SRFBP1: variants seen among roughly 807,000 people sequenced by gnomAD.
The protein encoded by SRFBP1 is serum response factor binding protein 1.
Under a neutral mutation model 45.5 loss-of-function variants are expected in SRFBP1, and 47 were observed. The ratio of observed to expected loss-of-function variants is 1.03; its 90% CI spans 0.82 to 1.32. SRFBP1 has a LOEUF of 1.32. SRFBP1 is among the 40% of genes most tolerant of loss of function. The pLI is 0.00. For synonymous variants in SRFBP1, 203 were observed against 166.3 expected (o/e 1.22, Z -1.70); for missense variants, 621 against 484.6 (o/e 1.28, Z -2.64).
chr5:122,029,285 C>T (rs551958505), downstream of SRFBP1, among the ~76,000 whole-genome samples: 5 of 152,184 alleles, frequency 3.3e-5, no homozygotes, highest in South Asian at 2.1e-4. Flanking sequence ...GACTCCACTA[C>T]GAGGCATTAC....
At chr5:122,077,329 C>T (rs1456025583), downstream of SRFBP1, 12 of 1,613,362 alleles carry the variant, frequency 7.4e-6, no homozygotes, top group Non-Finnish European at 9.3e-6. The surrounding 1 kb of genome is among the most constrained non-coding windows in gnomAD (Gnocchi z 4.9). Flanking sequence ...TGCACGGGTG[C>T]TTCCAGCGGA....
intron 4 of SRFBP1, among the ~76,000 whole-genome samples, chr5:122,011,398 C>T (rs772867691): frequency 2.0e-5 from 3 of 152,046 alleles, no homozygotes; most frequent in Non-Finnish European, 4.4e-5. Flanking sequence ...ATTATGTCAA[C>T]TTTAAATAAG....
At chr5:122,022,493 T>C in intron 7 of SRFBP1, 86 bp downstream of exon 7, 3 of 1,153,058 alleles carry the variant, frequency 2.6e-6, no homozygotes, top group Non-Finnish European at 3.7e-6. Flanking sequence ...TGTTGCTTAA[T>C]ATAGCCTGAA....
chr5:122,034,119 C>A (rs191260654), intron 2 of SRFBP1, among the ~76,000 whole-genome samples: 7 of 152,158 alleles, frequency 4.6e-5, no homozygotes, highest in African/African-American at 1.4e-4. Context: ...CCACTGCGCC[C>A]GGCCTATTTT....
intron 7 of SRFBP1, among the ~76,000 whole-genome samples, chr5:122,023,132 A>G (rs1358167615): frequency 6.6e-6 from 1 of 152,232 alleles, no homozygotes; most frequent in East Asian, 1.9e-4. Flanking sequence ...ATTCAGTCAC[A>G]TGACCCCATC....
chr5:122,056,615 C>T (rs961615102), intron 2 of SRFBP1, among the ~76,000 whole-genome samples: 2 of 152,038 alleles, frequency 1.3e-5, no homozygotes, highest in Admixed American at 6.6e-5. Context: ...TTAACAATTC[C>T]ATGTGTGGGA....
At chr5:122,063,009 A>G (rs1485581468) in intron 2 of SRFBP1, among the ~76,000 whole-genome samples, 5 of 152,010 alleles carry the variant, frequency 3.3e-5, no homozygotes. Context: ...TATGTATGAC[A>G]GTGTCTACTT....
chr5:122,013,318 C>T (rs1753132297), intron 4 of SRFBP1, among the ~76,000 whole-genome samples: 2 of 152,068 alleles, frequency 1.3e-5, no homozygotes, highest in Admixed American at 1.3e-4. Flanking sequence ...GCAACTTTAT[C>T]AAAATTTCAT....
intron 2 of SRFBP1, among the ~76,000 whole-genome samples, chr5:122,058,180 G>A (rs952477811): frequency 3.3e-5 from 5 of 151,920 alleles, no homozygotes; most frequent in Admixed American, 1.3e-4. Context: ...TGATTTATTG[G>A]CAATGTTCAG....
intron 2 of SRFBP1, among the ~76,000 whole-genome samples, chr5:122,072,266 T>A (rs918224469): frequency 6.6e-6 from 1 of 152,156 alleles, no homozygotes; most frequent in Non-Finnish European, 1.5e-5. Flanking sequence ...AACTTAAGTA[T>A]AAGCTTTGAT....
At chr5:121,993,432 T>G (rs1246525577) in intron 3 of SRFBP1, among the ~76,000 whole-genome samples, 3 of 152,126 alleles carry the variant, frequency 2.0e-5, no homozygotes, top group Non-Finnish European at 2.9e-5. Context: ...ATAAATTGAT[T>G]TTGTGTTAGT....
chr5:122,030,030 C>T (rs1753564722), downstream of SRFBP1, among the ~76,000 whole-genome samples: 1 of 152,152 alleles, frequency 6.6e-6, no homozygotes, highest in South Asian at 2.1e-4. Context: ...TTCAGAATTG[C>T]TAAGTGATAG....
rs546432491 is a variant in SRFBP1 at position 122,006,745 on chromosome 5, A to G, written c.270+12075A>G. On this transcript the variant is annotated intron_variant, in intron 4 of 7. Transcript: ENST00000339397. ...CCTCTAGAATTTAAATTTTTCATATATGTAATTTTAGTCATTCTGTTAATT... is the reference window on the plus strand; with the variant it reads ...CCTCTAGAATTTAAATTTTTCATATGTGTAATTTTAGTCATTCTGTTAATT... Among the ~76,000 whole-genome samples the G allele has an allele frequency of 5.6e-4, 84 of 150,606 alleles. 2 individuals carry two copies. In the South Asian group the frequency reaches 0.013, roughly 24 times the overall value.
chr5:122,017,466 C>T (rs956484855), intron 4 of SRFBP1, among the ~76,000 whole-genome samples: 3 of 152,150 alleles, frequency 2.0e-5, no homozygotes, highest in African/African-American at 7.2e-5. Context: ...TATAAGGAAA[C>T]CAGTCTTACT....
intron 6 of SRFBP1, among the ~76,000 whole-genome samples, chr5:122,021,908 T>G (rs1753333848): frequency 6.6e-6 from 1 of 151,408 alleles, no homozygotes; most frequent in African/African-American, 2.4e-5. Flanking sequence ...ATTGGCCCGG[T>G]TAGTGTCGAA....
At chr5:121,991,439 A>C (rs1303877517) in intron 3 of SRFBP1, among the ~76,000 whole-genome samples, 1 of 152,136 alleles carries the variant, frequency 6.6e-6, no homozygotes, top group Non-Finnish European at 1.5e-5. Flanking sequence ...ACAATTTAGC[A>C]TGAACTTCCC....
downstream of SRFBP1, chr5:122,076,882 T>C (rs373807513): frequency 6.2e-6 from 10 of 1,612,992 alleles, no homozygotes; most frequent in African/African-American, 4.0e-5. Flanking sequence ...CTCAGACATA[T>C]CAGCCCGTAC....
chr5:121,978,577 C>T (rs1416376050), intron 3 of SRFBP1, among the ~76,000 whole-genome samples: 3 of 152,020 alleles, frequency 2.0e-5, no homozygotes, highest in African/African-American at 2.4e-5. Context: ...CTGTAACCTC[C>T]GCCTCCTGGG....
intron 1 of SRFBP1, among the ~76,000 whole-genome samples, chr5:121,962,270 C>G (rs979768399): frequency 6.6e-6 from 1 of 152,216 alleles, no homozygotes; most frequent in Non-Finnish European, 1.5e-5. Flanking sequence ...AGACATGTGT[C>G]AGGCCCCACG....
Sources: allele counts gnomAD v4.1 joint callset (sites outside exome capture counted in the v4.1 genomes callset), GRCh38; gene constraint gnomAD v4.1.1; non-coding constraint Gnocchi (gnomAD v3.1); transcripts MANE v1.5; gene names NCBI Gene and HGNC (gene_info 2026-07-23, HGNC 2026-07-21).